SLC35F3: variants seen among roughly 807,000 people sequenced by gnomAD.
The protein encoded by SLC35F3 is putative thiamine transporter SLC35F3.
SLC35F3 carries 25 observed loss-of-function variants against 49.9 expected under a neutral mutation model. The observed-to-expected ratio is 0.50, with a 90% CI of 0.37 to 0.70. The LOEUF (loss-of-function observed/expected upper bound fraction) is 0.70, where lower values mean the gene tolerates loss of function less well. SLC35F3 is among the 30% of genes least tolerant of loss of function. The pLI is 0.00. For synonymous variants in SLC35F3, 275 were observed against 265.4 expected (o/e 1.04, Z -0.35); for missense variants, 525 against 639.8 (o/e 0.82, Z 1.94).
chr1:234,284,673 C>A (rs1305337920), intron 3 of SLC35F3, among the ~76,000 whole-genome samples: 1 of 152,164 alleles, frequency 6.6e-6, no homozygotes, highest in Admixed American at 6.5e-5. Context: ...TACTGAAAGT[C>A]CAGACAGAGA....
intron 3 of SLC35F3, among the ~76,000 whole-genome samples, chr1:234,280,693 C>T (rs963200250): frequency 9.2e-5 from 14 of 152,220 alleles, no homozygotes; most frequent in African/African-American, 3.1e-4. Context: ...GCACTCACCA[C>T]GTGCTGGTGT....
chr1:233,907,876 C>T (rs1661802040), intron 2 of SLC35F3, among the ~76,000 whole-genome samples: 1 of 152,178 alleles, frequency 6.6e-6, no homozygotes, highest in Non-Finnish European at 1.5e-5. Flanking sequence ...CAGGCGTGCG[C>T]CACCACATCC....
intron 2 of SLC35F3, among the ~76,000 whole-genome samples, chr1:233,907,499 G>A (rs997748910): frequency 6.6e-6 from 1 of 152,170 alleles, no homozygotes; most frequent in Non-Finnish European, 1.5e-5. Context: ...ATAGTAGCAG[G>A]GAAGGCTACA....
chr1:234,110,360 G>A (rs997741444), intron 2 of SLC35F3, among the ~76,000 whole-genome samples: 3 of 152,228 alleles, frequency 2.0e-5, no homozygotes, highest in South Asian at 2.1e-4. Context: ...CACTCACACC[G>A]GTTCTCAAAT....
At chr1:234,232,113 C>T (rs1436851750) in intron 3 of SLC35F3, among the ~76,000 whole-genome samples, 1 of 152,164 alleles carries the variant, frequency 6.6e-6, no homozygotes. Context: ...AGCCAGGTCA[C>T]TCGGACGCTT....
chr1:234,029,237 T>C (rs1199875536), intron 2 of SLC35F3, among the ~76,000 whole-genome samples: 1 of 152,096 alleles, frequency 6.6e-6, no homozygotes, highest in Non-Finnish European at 1.5e-5. Flanking sequence ...AGAGAGACGA[T>C]GTAGACACCG....
In SLC35F3 at chr1:234,141,599, G is replaced by A. The variant is rs1303445613; in HGVS notation, c.284-89818G>A. 2.6e-5 allele frequency among the ~76,000 whole-genome samples: 4 copies of A among 151,944 alleles called. No homozygotes were observed. The East Asian group carries it at 5.8e-4, about 22-fold the overall frequency. On this transcript the variant is annotated intron_variant, in intron 2 of 7. Transcript: ENST00000366618. ...TTAGTCTGATATCTATCCTCCTAAC[G>A]GTGGCTTTACATTGCCTTTTCAGAG... is the stretch of plus-strand genomic sequence containing the variant.
chr1:234,261,336 A>C (rs1253865560), intron 3 of SLC35F3, among the ~76,000 whole-genome samples: 1 of 152,192 alleles, frequency 6.6e-6, no homozygotes, highest in Non-Finnish European at 1.5e-5. Flanking sequence ...GGGGTGGTTT[A>C]TTTGAGTTTT....
At chr1:234,184,138 T>TAAA (rs869152169) in intron 2 of SLC35F3, among the ~76,000 whole-genome samples, 33 of 148,074 alleles carry the variant, frequency 2.2e-4, no homozygotes, top group African/African-American at 6.9e-4. Flanking sequence ...ACAGTTTTTT[T>TAAA]AAAAAAAAAA....
intron 2 of SLC35F3, among the ~76,000 whole-genome samples, chr1:234,003,753 A>G (rs1224874313): frequency 5.9e-5 from 9 of 152,238 alleles, no homozygotes; most frequent in Admixed American, 4.6e-4. Flanking sequence ...ATGAACTCCT[A>G]CACATGATAG....
intron 2 of SLC35F3, among the ~76,000 whole-genome samples, chr1:234,091,381 A>G (rs72756199): frequency 0.12 from 18,574 of 152,206 alleles, 1,427 homozygotes; most frequent in Middle Eastern, 0.2. Flanking sequence ...TTCAAGTCCA[A>G]CTGGATATGC....
chr1:234,310,468 T>G (rs959890616), intron 4 of SLC35F3, among the ~76,000 whole-genome samples: 1 of 152,192 alleles, frequency 6.6e-6, no homozygotes, highest in African/African-American at 2.4e-5. Flanking sequence ...GTTTTGAGGC[T>G]TAATGTTAAT....
chr1:234,061,944 A>T (rs1664547608), intron 2 of SLC35F3, among the ~76,000 whole-genome samples: 1 of 152,142 alleles, frequency 6.6e-6, no homozygotes, highest in South Asian at 2.1e-4. Context: ...TTGCCTTTTA[A>T]ATATGACATC....
intron 2 of SLC35F3, among the ~76,000 whole-genome samples, chr1:234,175,204 T>C (rs1365382317): frequency 1.3e-5 from 2 of 152,250 alleles, no homozygotes; most frequent in Non-Finnish European, 2.9e-5. Flanking sequence ...TTCAGATCTC[T>C]GTCTAATCAA....
intron 2 of SLC35F3, among the ~76,000 whole-genome samples, chr1:234,123,590 G>A (rs960123339): frequency 1.2e-5 from 1 of 82,068 alleles, no homozygotes; most frequent in Admixed American, 1.3e-4. Flanking sequence ...TTTTTTTTTT[G>A]TATTTTTAGT....
chr1:234,061,663 T>C (rs1408993221), intron 2 of SLC35F3, among the ~76,000 whole-genome samples: 1 of 152,166 alleles, frequency 6.6e-6, no homozygotes, highest in Non-Finnish European at 1.5e-5. Context: ...TGTTTCTCTG[T>C]TCTTCAGGTT....
chr1:233,978,381 C>T (rs754669529), intron 2 of SLC35F3, among the ~76,000 whole-genome samples: 17 of 152,166 alleles, frequency 1.1e-4, no homozygotes, highest in African/African-American at 1.4e-4. Flanking sequence ...TTCTTAAAGG[C>T]GTATGTAATG....
rs200113252 is a variant in SLC35F3 at position 233,919,195 on chromosome 1, G to A, written c.283+13437G>A. On this transcript the variant is annotated intron_variant, in intron 2 of 7. Coordinates refer to ENST00000366618, the MANE Select transcript of SLC35F3 (RefSeq NM_173508.4). ...ACTTCAGTTATTGCAAAGTAAGTTA[G>A]CCAGAGCAGGGAGAATGGTGTGAAT... 3.9e-5 allele frequency among the ~76,000 whole-genome samples: 6 copies of A among 152,304 alleles called. No individual in the cohort carries two copies. In the South Asian group the frequency reaches 6.2e-4, roughly 16 times the overall value.
chr1:234,151,149 G>T lies in SLC35F3; in HGVS notation c.284-80268G>T, dbSNP rs889398291. ...GCTGGGATGAGGTCAGAATTGAGCA[G>T]GATGGGGACAAACAGAAAGGAAGAA... On this transcript the variant is annotated intron_variant, in intron 2 of 7. Coordinates refer to ENST00000366618, the MANE Select transcript of SLC35F3 (RefSeq NM_173508.4). Among the ~76,000 whole-genome samples, 8 of 152,034 alleles carry T rather than the reference G, an allele frequency of 5.3e-5. No individual in the cohort carries two copies. In the South Asian group the frequency reaches 1.7e-3, roughly 32 times the overall value.
Sources: allele counts gnomAD v4.1 joint callset (sites outside exome capture counted in the v4.1 genomes callset), GRCh38; gene constraint gnomAD v4.1.1; transcripts MANE v1.5; gene names NCBI Gene and HGNC (gene_info 2026-07-23, HGNC 2026-07-21).